Variants in MED23 observed in about 807,000 individuals in gnomAD.
MED23 encodes mediator of RNA polymerase II transcription subunit 23.
Under a neutral mutation model 163.9 loss-of-function variants are expected in MED23, and 105 were observed. That is an observed-to-expected ratio of 0.64 (90% CI 0.55 to 0.75). The LOEUF is 0.75. MED23 is among the 30% of genes least tolerant of loss of function. The pLI is 0.00. For synonymous variants in MED23, 561 were observed against 565.6 expected (o/e 0.99, Z 0.12); for missense variants, 1,054 against 1,649.0 (o/e 0.64, Z 6.25).
intron 22 of MED23, 129 bp from the exon 23 acceptor site, chr6:131,594,464 C>T: frequency 2.6e-6 from 2 of 770,212 alleles, no homozygotes; most frequent in Non-Finnish European, 4.7e-6. Context: ...ACATGCTGGG[C>T]AATTGTATAC....
rs571322919 is a variant in MED23 at position 131,579,471 on chromosome 6, T to C, written c.4096-5176A>G. 2.9e-3 allele frequency: 1,605 copies of C among 561,636 alleles called. 13 individuals carry two copies. Among genetic ancestry groups the C allele is most frequent in the Middle Eastern group, 0.022 (44 of 2,040 alleles). 34.8% of individuals were successfully genotyped at this position (561,636 alleles called of 1,614,324 possible). A position where few individuals can be genotyped will look rare whatever the true frequency, so the allele number is the denominator to read the frequency against. On this transcript the variant is annotated intron_variant, in intron 30 of 30. Coordinates refer to the MED23 transcript ENST00000354577. ...GAAACAGACTTCGCTCAATTTGAAG[T>C]CTTACAATATCTGTATTTTGACCTA...
At chr6:131,605,083 T>C (rs2032263107) in intron 14 of MED23, among the ~76,000 whole-genome samples, 157 bp downstream of exon 14, 1 of 152,158 alleles carries the variant, frequency 6.6e-6, no homozygotes, top group South Asian at 2.1e-4. Flanking sequence ...ATTCCTATAA[T>C]AAAAAATATT....
downstream of MED23, among the ~76,000 whole-genome samples, chr6:131,585,453 T>C (rs576256136): frequency 8.3e-4 from 126 of 152,220 alleles, no homozygotes; most frequent in Non-Finnish European, 1.4e-3. Context: ...CTTTGAAAGA[T>C]AAACATTTTA....
Position 131,628,061 on chromosome 6 carries a change from C to G in MED23, c.-12G>C. The G allele has an allele frequency of 6.2e-7, 1 of 1,613,912 alleles. No individual in the cohort carries two copies. On this transcript the variant is annotated 5_prime_UTR_variant, in exon 1 of 29. Transcript: ENST00000368068. ...AGTTGCGTCTCCATCTGTACTATCA[C>G]CCCCGCCTTTCCAGGGTGCCCGGCA... is the stretch of plus-strand genomic sequence containing the variant.
At chr6:131,592,932 TA>T in intron 24 of MED23, 73 bp downstream of exon 24, 1 of 1,572,856 alleles carries the variant, frequency 6.4e-7, no homozygotes, top group Admixed American at 1.7e-5. Context: ...AGGTTTGTCT[TA>T]AAAGTTTGAA....
chr6:131,574,364 A>C, intron 30 of MED23: 3 of 1,566,182 alleles, frequency 1.9e-6, no homozygotes, highest in South Asian at 2.2e-5. Flanking sequence ...AGTAAATACT[A>C]CTTTGCTTCC....
chr6:131,605,965 G>C (rs1351976219), intron 13 of MED23, among the ~76,000 whole-genome samples: 1 of 152,114 alleles, frequency 6.6e-6, no homozygotes. Context: ...TTCTAGGTGG[G>C]AAGTTAGGCT....
chr6:131,611,779 A>G (rs572761001), intron 10 of MED23, among the ~76,000 whole-genome samples: 10 of 152,258 alleles, frequency 6.6e-5, no homozygotes, highest in African/African-American at 2.4e-4. Flanking sequence ...CAGTTTGGAA[A>G]CTGACCAATT....
intron 25 of MED23, chr6:131,592,105 C>A: frequency 2.2e-6 from 1 of 457,440 alleles, no homozygotes. Context: ...GTAGATCAAG[C>A]TATTATGTAA....
At position 131,577,134 on chromosome 6, in the gene MED23, G is replaced by A. The variant is rs1050433219; in HGVS notation, c.4096-2839C>T. ...CAGTAATAATGATAATAACAACAGC[G>A]CCTAGTGTGGGCGCAGTGTGTATAT... On this transcript the variant is annotated intron_variant, in intron 30 of 30. Coordinates refer to the MED23 transcript ENST00000354577. Among the ~76,000 whole-genome samples, 34 of 152,162 alleles carry A rather than the reference G, an allele frequency of 2.2e-4. 1 individual carries two copies. The highest frequency in any genetic ancestry group is 1.9e-4 in the East Asian group (1 of 5,196).
rs547085340 is a variant in MED23, at chr6:131,580,138, A to C, written c.4096-5843T>G. ...AAGGCCTAGGATAATTTTACCAGAA[A>C]GGCCTGATTAGATCTAAAAGTAGAA... is the stretch of plus-strand genomic sequence containing the variant. On this transcript the variant is annotated intron_variant, in intron 30 of 30. Transcript: ENST00000354577. Among the ~76,000 whole-genome samples, 6 of 152,274 alleles carry C rather than the reference A, an allele frequency of 3.9e-5. No homozygotes were observed. The South Asian group carries it at 1.0e-3, about 26-fold the overall frequency.
At chr6:131,606,379 G>A (rs527906671) in intron 13 of MED23, 100 bp downstream of exon 13, 158 of 1,295,036 alleles carry the variant, frequency 1.2e-4, no homozygotes, top group African/African-American at 8.6e-4. Context: ...GTGGGTATGC[G>A]GAGATTTCCA....
At chr6:131,608,348 T>C (rs1776009763) in intron 11 of MED23, among the ~76,000 whole-genome samples, 1 of 152,152 alleles carries the variant, frequency 6.6e-6, no homozygotes, top group South Asian at 2.1e-4. Context: ...AACATAGTCA[T>C]ATACAACATG....
intron 22 of MED23, among the ~76,000 whole-genome samples, chr6:131,594,694 A>G (rs1294287000): frequency 1.3e-5 from 2 of 152,184 alleles, no homozygotes; most frequent in Admixed American, 6.5e-5. Context: ...AAAACAGGGG[A>G]CTGATAAAGT....
chr6:131,624,727 G>C, intron 4 of MED23, 138 bp downstream of exon 4: 1 of 912,308 alleles, frequency 1.1e-6, no homozygotes, highest in Non-Finnish European at 1.7e-6. Context: ...TAAAACCTGA[G>C]GTATTATATA....
intron 15 of MED23, among the ~76,000 whole-genome samples, chr6:131,603,842 T>C (rs539346669): frequency 2.0e-5 from 3 of 152,316 alleles, no homozygotes; most frequent in African/African-American, 7.2e-5. Context: ...GAGGACAGCA[T>C]TGCTGCCTCA....
At chr6:131,579,829 CGTGT>C (rs367611464) in intron 30 of MED23, among the ~76,000 whole-genome samples, 31 of 149,422 alleles carry the variant, frequency 2.1e-4, no homozygotes, top group African/African-American at 7.4e-4. Flanking sequence ...CTTTGTTTAA[CGTGT>C]GTGTGTGTGT....
chr6:131,599,907 C>A (rs1448683217), intron 18 of MED23, 131 bp downstream of exon 18: 9 of 1,120,482 alleles, frequency 8.0e-6, no homozygotes, highest in African/African-American at 1.6e-5. Context: ...CCATGCCCAG[C>A]CCCTAAATAT....
chr6:131,618,884 T>C (rs981798334), intron 8 of MED23, among the ~76,000 whole-genome samples: 1 of 152,234 alleles, frequency 6.6e-6, no homozygotes, highest in Non-Finnish European at 1.5e-5. Flanking sequence ...ACAGATTCTG[T>C]AGCCTACGAA....
Sources: allele counts gnomAD v4.1 joint callset (sites outside exome capture counted in the v4.1 genomes callset), GRCh38; gene constraint gnomAD v4.1.1; transcripts MANE v1.5; gene names NCBI Gene and HGNC (gene_info 2026-07-23, HGNC 2026-07-21).